The following ACSS3 variants were observed in gnomAD, a reference collection of about 807,000 sequenced individuals.
ACSS3 encodes the protein acyl-CoA synthetase short chain family member 3.
Under a neutral mutation model 84.2 loss-of-function variants are expected in ACSS3, and 64 were observed. The observed-to-expected ratio is 0.76, with a 90% confidence interval of 0.62 to 0.94. ACSS3 has a LOEUF of 0.94. ACSS3 is among the 40% of genes least tolerant of loss of function. ACSS3 has a pLI of 0.00. For missense variants in ACSS3, 815 were observed against 867.6 expected, an observed-to-expected ratio of 0.94 and a Z score of 0.76; for synonymous variants, 317 against 310.1, an observed-to-expected ratio of 1.02 and a Z score of -0.23.
intron 13 of ACSS3, among the ~76,000 whole-genome samples, chr12:81,250,428 T>A (rs1284234340): frequency 6.6e-6 from 1 of 152,114 alleles, no homozygotes; most frequent in East Asian, 1.9e-4. Flanking sequence ...AATGGGAAAC[T>A]GTAATATTAT....
chr12:81,219,905 A>C (rs916796175), intron 10 of ACSS3, 108 bp from the exon 11 acceptor site: 6 of 611,516 alleles, frequency 9.8e-6, no homozygotes, highest in Middle Eastern at 1.1e-3. Flanking sequence ...GAATTAAAAG[A>C]TTACTCTCTT....
chr12:81,191,287 TTTTA>T (rs2031556361), intron 8 of ACSS3, among the ~76,000 whole-genome samples: 1 of 152,036 alleles, frequency 6.6e-6, no homozygotes, highest in Non-Finnish European at 1.5e-5. Flanking sequence ...TATAGCATGG[TTTTA>T]CCTGCCCTAA....
At chr12:81,153,460 T>C (rs1218166715) in intron 7 of ACSS3, among the ~76,000 whole-genome samples, 1 of 151,160 alleles carries the variant, frequency 6.6e-6, no homozygotes, top group Non-Finnish European at 1.5e-5. Context: ...TGACAAATAA[T>C]ACACTTAAAG....
At chr12:81,148,995 G>T (rs1220066751) in intron 5 of ACSS3, among the ~76,000 whole-genome samples, 1 of 151,324 alleles carries the variant, frequency 6.6e-6, no homozygotes, top group Non-Finnish European at 1.5e-5. Context: ...CAGGAGAATC[G>T]CTTGAACCTG....
intron 13 of ACSS3, among the ~76,000 whole-genome samples, chr12:81,249,343 A>C (rs182319043): frequency 6.6e-6 from 1 of 152,124 alleles, no homozygotes; most frequent in Admixed American, 6.5e-5. Flanking sequence ...GGGCTCTCTA[A>C]TTTCACTCTT....
At chr12:81,128,748 A>G (rs915669900) in intron 2 of ACSS3, among the ~76,000 whole-genome samples, 32 of 152,206 alleles carry the variant, frequency 2.1e-4, no homozygotes, top group African/African-American at 6.8e-4. Context: ...TTATGGTAGG[A>G]TAAGAATATG....
At chr12:81,166,549 G>A (rs1035971339) in intron 7 of ACSS3, among the ~76,000 whole-genome samples, 2 of 152,130 alleles carry the variant, frequency 1.3e-5, no homozygotes, top group African/African-American at 4.8e-5. Flanking sequence ...AGGAGAATCC[G>A]AAAAGCAAAG....
Position 81,228,897 on chromosome 12 carries a change from C to T in ACSS3, c.1515-2160C>T, listed in dbSNP as rs535217841. 4.0e-5 allele frequency among the ~76,000 whole-genome samples: 6 copies of T among 151,834 alleles called. No individual in the cohort carries two copies. The South Asian group carries it at 1.2e-3, about 31-fold the overall frequency. ...GGTACATAAAATGGGAAAAAAATAC[C>T]TGTTTAATATATATTTTTTGATATG... On this transcript the variant is annotated intron_variant, in intron 11 of 15. Coordinates refer to ENST00000548058, the MANE Select transcript of ACSS3 (RefSeq NM_024560.4).
chr12:81,235,421 C>T (rs1326527967), intron 13 of ACSS3, among the ~76,000 whole-genome samples: 1 of 151,130 alleles, frequency 6.6e-6, no homozygotes, highest in Non-Finnish European at 1.5e-5. Context: ...TATTGTGAGT[C>T]CTCCACATCT....
At chr12:81,186,220 A>C (rs559721343) in intron 8 of ACSS3, among the ~76,000 whole-genome samples, 1 of 151,984 alleles carries the variant, frequency 6.6e-6, no homozygotes, top group African/African-American at 2.4e-5. Context: ...AAAATGGATA[A>C]AAGACCTAAG....
chr12:81,109,450 G>A (rs1883381942), intron 1 of ACSS3, 110 bp from the exon 2 acceptor site: 3 of 1,254,118 alleles, frequency 2.4e-6, no homozygotes, highest in East Asian at 2.5e-5. Flanking sequence ...AATGCACTAG[G>A]AAACATTGTT....
Position 81,215,114 on chromosome 12 carries a change from A to C in ACSS3, c.1355-1787A>C, listed in dbSNP as rs971676309. On this transcript the variant is annotated intron_variant, in intron 9 of 15. Coordinates refer to ENST00000548058, the MANE Select transcript of ACSS3 (RefSeq NM_024560.4). The stretch of plus-strand genomic sequence containing the variant: ...ACATTTCTGAAAAAACAGAGGGGGA[A>C]ATGCTGTTAACACTTCTGACCATGC... 4.6e-5 allele frequency among the ~76,000 whole-genome samples: 7 copies of C among 152,166 alleles called. 1 individual carries two copies. Among genetic ancestry groups the C allele is most frequent in the African/African-American group, 9.7e-5 (4 of 41,444 alleles).
intron 13 of ACSS3, 42 bp downstream of exon 13, chr12:81,233,513 G>T (rs1359826806): frequency 5.0e-6 from 8 of 1,600,234 alleles, no homozygotes; most frequent in Non-Finnish European, 6.8e-6. Context: ...TAGTGCTTAG[G>T]CACAGAGCTG....
At chr12:81,096,960 T>G (rs552284126) in intron 1 of ACSS3, among the ~76,000 whole-genome samples, 33 of 152,314 alleles carry the variant, frequency 2.2e-4, no homozygotes, top group African/African-American at 7.7e-4. Context: ...TGGTAGAAAT[T>G]TAAAGTTGTT....
intron 12 of ACSS3, among the ~76,000 whole-genome samples, chr12:81,233,056 G>A (rs1180127984): frequency 6.6e-6 from 1 of 151,562 alleles, no homozygotes; most frequent in African/African-American, 2.4e-5. Context: ...TTAGTATTGA[G>A]CTATTACTTC....
rs2031072211 is a variant in ACSS3, at chr12:81,183,522, C to A, written c.1250+8583C>A. Reference sequence around the variant, plus strand: ...TTCCCTAACCAAAATCATGTAGTTGCTGAATGGATTAAACAAGATTCACTG... The same window carrying A: ...TTCCCTAACCAAAATCATGTAGTTGATGAATGGATTAAACAAGATTCACTG... On this transcript the variant is annotated intron_variant, in intron 8 of 15. Transcript: ENST00000548058. Among the ~76,000 whole-genome samples, 3 of 152,020 alleles carry A rather than the reference C, an allele frequency of 2.0e-5. No homozygotes were observed. In the South Asian group the frequency reaches 6.2e-4, roughly 31 times the overall value.
intron 8 of ACSS3, among the ~76,000 whole-genome samples, chr12:81,177,564 T>C (rs1170912776): frequency 6.6e-6 from 1 of 152,034 alleles, no homozygotes; most frequent in African/African-American, 2.4e-5. Context: ...AACCTACTCA[T>C]CTGACAAAGG....
At chr12:81,221,380 C>G (rs985099299) in intron 11 of ACSS3, among the ~76,000 whole-genome samples, 6 of 152,030 alleles carry the variant, frequency 3.9e-5, no homozygotes, top group Non-Finnish European at 8.8e-5. Context: ...GAACTCATTA[C>G]TTGGCATTCT....
chr12:81,220,109 G>C, intron 11 of ACSS3, 33 bp downstream of exon 11: 1 of 1,396,256 alleles, frequency 7.2e-7, no homozygotes, highest in Non-Finnish European at 9.7e-7. Context: ...CTATATTAAA[G>C]GGCAAAAACT....
Sources: allele counts gnomAD v4.1 joint callset (sites outside exome capture counted in the v4.1 genomes callset), GRCh38; gene constraint gnomAD v4.1.1; transcripts MANE v1.5; gene names NCBI Gene and HGNC (gene_info 2026-07-23, HGNC 2026-07-21).